Variants in DMD observed in about 807,000 individuals in gnomAD.
The protein encoded by DMD is mutant dystrophin.
In DMD, 63 loss-of-function variants were observed where a neutral mutation model predicts 330.1. The ratio of observed to expected loss-of-function variants is 0.19; its 90% CI spans 0.16 to 0.24. The LOEUF is 0.24. Ranked by LOEUF, DMD falls within the 10% of genes least tolerant of loss-of-function variation. DMD has a pLI of 1.00. For synonymous variants in DMD, 1,223 were observed against 959.8 expected (o/e 1.27, Z -5.07); for missense variants, 3,344 against 2,684.1 (o/e 1.25, Z -5.43).
chrX:31,386,481 C>A (rs946851245), intron 60 of DMD, among the ~76,000 whole-genome samples: 20 of 112,041 alleles, frequency 1.8e-4, no homozygotes, highest in Admixed American at 1.6e-3. Context: ...TCAGAAAATG[C>A]CTTCCCCTTT....
intron 34 of DMD, among the ~76,000 whole-genome samples, chrX:32,373,050 T>C (rs1191940642): frequency 9.1e-6 from 1 of 110,407 alleles, no homozygotes; most frequent in African/African-American, 3.3e-5. Flanking sequence ...GTGGGATCAT[T>C]AAGAATTAGA....
At chrX:32,075,293 T>C (rs2096335064) in intron 44 of DMD, among the ~76,000 whole-genome samples, 1 of 112,040 alleles carries the variant, frequency 8.9e-6, no homozygotes, top group Non-Finnish European at 1.9e-5. Flanking sequence ...ATGTAGGATT[T>C]TTTTCAGTTG....
intron 7 of DMD, among the ~76,000 whole-genome samples, 195 bp downstream of exon 7, chrX:32,809,298 C>A (rs1053403234): frequency 2.7e-5 from 3 of 111,691 alleles, no homozygotes; most frequent in Non-Finnish European, 3.8e-5. Context: ...ATTTTAGATA[C>A]TGGTATTTTG....
chrX:31,752,482 G>C (rs1052583359), intron 51 of DMD, among the ~76,000 whole-genome samples: 1 of 111,007 alleles, frequency 9.0e-6, no homozygotes, highest in South Asian at 3.8e-4. Context: ...TTAACCAAAG[G>C]CCTCCGGAAG....
intron 55 of DMD, among the ~76,000 whole-genome samples, chrX:31,568,082 G>A (rs2075565998): frequency 9.0e-6 from 1 of 111,255 alleles, no homozygotes; most frequent in Non-Finnish European, 1.9e-5. Context: ...GTGTTTTGAG[G>A]TTTTTCTTTT....
intron 13 of DMD, among the ~76,000 whole-genome samples, chrX:32,591,075 C>G (rs1240842497): frequency 9.1e-6 from 1 of 110,458 alleles, no homozygotes; most frequent in African/African-American, 3.3e-5. Flanking sequence ...CCAGGCTAAT[C>G]TTTGAACTTC....
chrX:31,228,929 C>A (rs1027696367), intron 63 of DMD, among the ~76,000 whole-genome samples: 4 of 112,380 alleles, frequency 3.6e-5, no homozygotes, highest in African/African-American at 1.3e-4. Flanking sequence ...ACGTAAGGAA[C>A]AAGGGCAAAC....
intron 5 of DMD, among the ~76,000 whole-genome samples, chrX:32,818,805 C>CT: frequency 9.1e-6 from 1 of 109,889 alleles, no homozygotes; most frequent in Non-Finnish European, 1.9e-5. Flanking sequence ...GTCACACCCT[C>CT]TCTAGGGCAA....
intron 9 of DMD, among the ~76,000 whole-genome samples, chrX:32,689,624 C>G (rs1026879676): frequency 4.5e-5 from 5 of 110,709 alleles, no homozygotes; most frequent in African/African-American, 6.5e-5. Context: ...AACTCAATAT[C>G]CTTGACAGAT....
At chrX:31,480,299 G>T (rs1569546296) in intron 57 of DMD, among the ~76,000 whole-genome samples, 1 of 111,368 alleles carries the variant, frequency 9.0e-6, no homozygotes, top group Non-Finnish European at 1.9e-5. Flanking sequence ...CCATTCAAAA[G>T]AATCCTGAGT....
chrX:31,914,620 A>G (rs1382651378), intron 47 of DMD, among the ~76,000 whole-genome samples: 2 of 112,138 alleles, frequency 1.8e-5, no homozygotes, highest in African/African-American at 3.2e-5. Context: ...CTTAAGCAAA[A>G]TAAGCCAAGC....
intron 62 of DMD, among the ~76,000 whole-genome samples, chrX:31,308,301 GA>G (rs781076644): frequency 7.1e-5 from 8 of 111,929 alleles, no homozygotes; most frequent in Non-Finnish European, 1.5e-4. Flanking sequence ...TTGGTAATAG[GA>G]GCTACTGAAG....
At chrX:32,400,442 G>A (rs1204810320) in intron 30 of DMD, among the ~76,000 whole-genome samples, 5 of 111,008 alleles carry the variant, frequency 4.5e-5, no homozygotes, top group Middle Eastern at 4.6e-3. Context: ...GTCTCTGCCC[G>A]GCTTTGGTAT....
At chrX:31,278,359 C>A (rs1175998757) in intron 62 of DMD, among the ~76,000 whole-genome samples, 1 of 111,256 alleles carries the variant, frequency 9.0e-6, no homozygotes, top group African/African-American at 3.3e-5. Context: ...TGGAACATTA[C>A]AAGAGACTGG....
chrX:32,626,293 C>T (rs1378556037), intron 11 of DMD, among the ~76,000 whole-genome samples: 2 of 110,243 alleles, frequency 1.8e-5, no homozygotes, highest in African/African-American at 3.3e-5. Context: ...CAATAGAAAC[C>T]CCATCTCTAC....
At chrX:33,051,190 T>C (rs772049969) in intron 1 of DMD, among the ~76,000 whole-genome samples, 1 of 108,870 alleles carries the variant, frequency 9.2e-6, no homozygotes, top group South Asian at 4.0e-4. Flanking sequence ...TCTTTGGATC[T>C]TCACTATCTC....
chrX:32,111,707 A>C (rs1225099487), intron 44 of DMD, among the ~76,000 whole-genome samples: 10 of 111,401 alleles, frequency 9.0e-5, no homozygotes. Context: ...CTGGAATTCA[A>C]TGTCAACCAC....
intron 71 of DMD, among the ~76,000 whole-genome samples, chrX:31,176,440 T>C (rs1012034553): frequency 8.9e-6 from 1 of 111,976 alleles, no homozygotes; most frequent in Admixed American, 9.5e-5. Context: ...TAGCTCCTTT[T>C]TGCCTTTCAA....
At chrX:32,638,725 G>C (rs1247659681) in intron 11 of DMD, among the ~76,000 whole-genome samples, 1 of 111,550 alleles carries the variant, frequency 9.0e-6, no homozygotes, top group African/African-American at 3.3e-5. Flanking sequence ...TCCAAGATTG[G>C]AATTACCTGA....
Sources: allele counts gnomAD v4.1 joint callset (sites outside exome capture counted in the v4.1 genomes callset), GRCh38; gene constraint gnomAD v4.1.1; transcripts MANE v1.5; gene names NCBI Gene and HGNC (gene_info 2026-07-23, HGNC 2026-07-21).